The following APBA2 variants were observed in gnomAD, a reference collection of about 807,000 sequenced individuals.
The protein encoded by APBA2 is amyloid beta precursor protein binding family A member 2.
APBA2 carries 30 observed loss-of-function variants against 75.0 expected under a neutral mutation model. The observed-to-expected ratio is 0.40, with a 90% confidence interval of 0.30 to 0.54. The LOEUF is 0.54. Ranked by LOEUF, APBA2 falls within the 20% of genes least tolerant of loss-of-function variation. The probability of loss-of-function intolerance (pLI) is 0.49; values close to 1 mark genes in which losing one functional copy is unlikely to be tolerated. For missense variants in APBA2, 801 were observed against 1,016.1 expected (o/e 0.79, Z 2.88); for synonymous variants, 444 against 409.6 (o/e 1.08, Z -1.01).
chr15:28,933,971 G>T (rs1595493704), intron 2 of APBA2, among the ~76,000 whole-genome samples: 2 of 152,166 alleles, frequency 1.3e-5, no homozygotes, highest in African/African-American at 4.8e-5. Flanking sequence ...GGAGAAAGGG[G>T]GGCATGGGCT....
rs58393612 is a variant in APBA2, at chr15:29,066,733, AAAAT to A, written c.952-8180_952-8177del. ...GTATGTTATGTATACTTACCACAAT[AAAAT>A]AAATAAAGAAAAGAAGAGGTTTTTC... On this transcript the variant is annotated intron_variant, in intron 4 of 14. Coordinates refer to ENST00000683413, the MANE Select transcript of APBA2 (RefSeq NM_001353788.2). Among the ~76,000 whole-genome samples the A allele has an allele frequency of 1.9e-3, 288 of 152,312 alleles. 1 individual carries two copies. The highest frequency in any genetic ancestry group is 6.5e-3 in the African/African-American group (270 of 41,582).
At chr15:29,110,671 C>T (rs927001395) in intron 13 of APBA2, among the ~76,000 whole-genome samples, 10 of 152,290 alleles carry the variant, frequency 6.6e-5, no homozygotes, top group South Asian at 4.1e-4. Context: ...AGTGACTTGC[C>T]CCAGGTCACA....
At chr15:29,069,590 C>G (rs1195761712) in intron 4 of APBA2, among the ~76,000 whole-genome samples, 1 of 152,256 alleles carries the variant, frequency 6.6e-6, no homozygotes, top group Non-Finnish European at 1.5e-5. Context: ...CTCCCAGGGC[C>G]TGCTTTTGTT....
intron 11 of APBA2, 112 bp from the exon 12 acceptor site, chr15:29,106,495 C>A: frequency 1.6e-6 from 2 of 1,241,220 alleles, no homozygotes; most frequent in Non-Finnish European, 2.3e-6. Flanking sequence ...CCTTGGATCC[C>A]AGGGCAGGGC....
At chr15:29,038,320 C>T (rs989210732) in intron 3 of APBA2, among the ~76,000 whole-genome samples, 10 of 152,192 alleles carry the variant, frequency 6.6e-5, no homozygotes, top group South Asian at 2.1e-4. Context: ...ACCTATCTTC[C>T]GAGGGCTACT....
intron 2 of APBA2, among the ~76,000 whole-genome samples, chr15:28,924,384 C>G (rs1225761577): frequency 6.6e-6 from 1 of 152,172 alleles, no homozygotes; most frequent in Non-Finnish European, 1.5e-5. Flanking sequence ...TTTCTTCATC[C>G]CAGAGAGGAA....
intron 2 of APBA2, among the ~76,000 whole-genome samples, chr15:28,979,071 G>A (rs950016916): frequency 6.6e-6 from 1 of 152,196 alleles, no homozygotes; most frequent in Non-Finnish European, 1.5e-5. Context: ...AGAAGTGCTG[G>A]AGGCAAGCTG....
At chr15:28,916,179 G>C (rs1253851645) in intron 1 of APBA2, among the ~76,000 whole-genome samples, 1 of 152,246 alleles carries the variant, frequency 6.6e-6, no homozygotes, top group Non-Finnish European at 1.5e-5. Context: ...CCTGGGGCGT[G>C]CTTACGTCCT....
At position 29,093,202 on chromosome 15, in the gene APBA2, G is replaced by C; in HGVS notation, c.1197G>C (p.Glu399Asp). The C allele has an allele frequency of 6.2e-7, 1 of 1,614,248 alleles. No homozygotes were observed. The highest frequency in any genetic ancestry group is 1.7e-5 in the Admixed American group (1 of 60,036). Residue 399 changes from glutamate (E) to aspartate (D), a missense_variant, in exon 7 of 15, where the codon GAG (glutamate) becomes GAC (aspartate). This residue lies in a region of APBA2 where 367 missense variants were observed against 544.5 expected (regional missense o/e 0.67). Transcript: ENST00000683413. ...SKNIRMMQAQ[E>D]AVSRVKRMQK... ...ACATCAGAATGATGCAAGCGCAGGA[G>C]GCCGTCAGCCGGGTCAAGGTAGAGG...
chr15:28,888,835 G>A (rs1332550917), intron 1 of APBA2, among the ~76,000 whole-genome samples: 5 of 152,210 alleles, frequency 3.3e-5, no homozygotes, highest in Admixed American at 2.0e-4. Flanking sequence ...GTGGCTGTGA[G>A]GACTGGGAAC....
chr15:29,030,249 G>C (rs1270312254), intron 3 of APBA2, among the ~76,000 whole-genome samples: 1 of 152,128 alleles, frequency 6.6e-6, no homozygotes, highest in Non-Finnish European at 1.5e-5. Context: ...CACGAAATCG[G>C]GGGATAGAGA....
intron 3 of APBA2, among the ~76,000 whole-genome samples, chr15:29,048,624 C>G (rs749479379): frequency 1.3e-5 from 2 of 151,944 alleles, no homozygotes; most frequent in Non-Finnish European, 2.9e-5. Flanking sequence ...AGGGACAGAT[C>G]TAAGTTTATG....
chr15:28,912,889 G>A (rs922191008), intron 1 of APBA2, among the ~76,000 whole-genome samples: 1 of 152,236 alleles, frequency 6.6e-6, no homozygotes, highest in Non-Finnish European at 1.5e-5. Flanking sequence ...AGGTTCTAAA[G>A]ACATCCATTG....
chr15:28,903,082 T>C (rs1349350411), intron 1 of APBA2, among the ~76,000 whole-genome samples: 1 of 152,234 alleles, frequency 6.6e-6, no homozygotes, highest in Non-Finnish European at 1.5e-5. Context: ...GCTGACGTCC[T>C]GTGGCCCAGT....
chr15:29,065,691 C>T (rs776625822), intron 4 of APBA2, among the ~76,000 whole-genome samples: 1 of 152,166 alleles, frequency 6.6e-6, no homozygotes, highest in South Asian at 2.1e-4. Context: ...AAGTTGGTCT[C>T]TCTCCAGCTG....
chr15:29,107,596 C>T (rs977319180), intron 12 of APBA2, among the ~76,000 whole-genome samples: 1 of 152,182 alleles, frequency 6.6e-6, no homozygotes, highest in African/African-American at 2.4e-5. Flanking sequence ...CCCGGCAGAG[C>T]GTCTGCCCGA....
chr15:28,907,147 C>G (rs1228862995), intron 1 of APBA2, among the ~76,000 whole-genome samples: 1 of 152,146 alleles, frequency 6.6e-6, no homozygotes, highest in African/African-American at 2.4e-5. Context: ...ATCTCTTATT[C>G]AATCTAAAAT....
chr15:29,038,014 A>G (rs2040831587), intron 3 of APBA2, among the ~76,000 whole-genome samples: 2 of 152,222 alleles, frequency 1.3e-5, no homozygotes, highest in South Asian at 4.1e-4. Context: ...CTTCTGAACC[A>G]TAGCAGAGGG....
rs74538858 is a variant in APBA2 at position 28,918,426 on chromosome 15, C to G, written c.-204-3214C>G. ...GATGCGCAACGCCCCCTCCAGGCCCCGAGTCCCTGTCCTTGGAGGAAGCAG... is the reference window on the plus strand; with the variant it reads ...GATGCGCAACGCCCCCTCCAGGCCCGGAGTCCCTGTCCTTGGAGGAAGCAG... On this transcript the variant is annotated intron_variant, in intron 1 of 14. Coordinates refer to ENST00000683413, the MANE Select transcript of APBA2 (RefSeq NM_001353788.2). This position sits in a 1 kb window ranked among gnomAD's most constrained non-coding sequence, Gnocchi z 4.2. Among the ~76,000 whole-genome samples the G allele has an allele frequency of 0.011, 1,652 of 152,212 alleles. 21 individuals are homozygous for G. Among genetic ancestry groups the G allele is most frequent in the African/African-American group, 0.038 (1,572 of 41,518 alleles).
Sources: allele counts gnomAD v4.1 joint callset (sites outside exome capture counted in the v4.1 genomes callset), GRCh38; gene constraint gnomAD v4.1.1; regional missense constraint gnomAD v4.1.1; non-coding constraint Gnocchi (gnomAD v3.1); transcripts MANE v1.5; gene names NCBI Gene and HGNC (gene_info 2026-07-23, HGNC 2026-07-21).